ANO2: variants seen among roughly 807,000 people sequenced by gnomAD.
ANO2 encodes the protein anoctamin-2.
A neutral mutation model predicts 124.2 loss-of-function variants in ANO2; 101 were observed. The ratio of observed to expected loss-of-function variants is 0.81; its 90% CI spans 0.69 to 0.96. The LOEUF is 0.96. Ranked by LOEUF, ANO2 falls within the 40% of genes least tolerant of loss-of-function variation. The pLI is 0.00. For synonymous variants in ANO2, 486 were observed against 482.5 expected, an observed-to-expected ratio of 1.01 and a Z score of -0.09; for missense variants, 1,293 against 1,274.5, an observed-to-expected ratio of 1.01 and a Z score of -0.22.
intron 3 of ANO2, among the ~76,000 whole-genome samples, chr12:5,861,644 G>A (rs1303884900): frequency 1.3e-5 from 2 of 152,160 alleles, no homozygotes; most frequent in Non-Finnish European, 2.9e-5. Flanking sequence ...CCTGCTGTGA[G>A]GCAAGAACGT....
intron 10 of ANO2, among the ~76,000 whole-genome samples, chr12:5,759,250 C>T (rs1027247920): frequency 1.1e-4 from 17 of 151,354 alleles, no homozygotes; most frequent in Non-Finnish European, 1.8e-4. Flanking sequence ...TACTTAGATA[C>T]GTCATAGTCA....
At chr12:5,626,787 T>C (rs1945430913) in intron 16 of ANO2, among the ~76,000 whole-genome samples, 1 of 152,156 alleles carries the variant, frequency 6.6e-6, no homozygotes, top group South Asian at 2.1e-4. Flanking sequence ...ATGAATTTTC[T>C]CCAGAGATGT....
In ANO2 at chr12:5,609,244, A is replaced by G. The variant is rs368170713; in HGVS notation, c.2087+3412T>C. The stretch of plus-strand genomic sequence containing the variant: ...GCAGGGAACGGGGGGCACAGCTTCA[A>G]AGGCTGAATTTCTCAAGGTTGCTGA... On this transcript the variant is annotated intron_variant, in intron 19 of 24. Transcript: ENST00000682330. 38 of 152,300 alleles carry G rather than the reference A, an allele frequency of 2.5e-4. 1 individual carries two copies. The East Asian group carries it at 5.0e-3, about 20-fold the overall frequency. 9.4% of individuals were successfully genotyped at this position (152,300 alleles called of 1,614,324 possible).
intron 4 of ANO2, among the ~76,000 whole-genome samples, chr12:5,853,040 C>G (rs1255873481): frequency 6.6e-6 from 1 of 152,080 alleles, no homozygotes; most frequent in African/African-American, 2.4e-5. Context: ...ATAGCCACCC[C>G]TTTCCCCTAA....
chr12:5,779,961 T>C (rs1952337673), intron 10 of ANO2, among the ~76,000 whole-genome samples: 1 of 152,056 alleles, frequency 6.6e-6, no homozygotes, highest in South Asian at 2.1e-4. Context: ...AAAAAGTAAA[T>C]GCTAAAACAG....
chr12:5,877,185 C>T (rs1050908278), intron 3 of ANO2, among the ~76,000 whole-genome samples: 1 of 152,032 alleles, frequency 6.6e-6, no homozygotes. Context: ...GGCCCTAAAC[C>T]TAATGACTGA....
At chr12:5,608,425 G>C (rs1206234209) in intron 19 of ANO2, among the ~76,000 whole-genome samples, 1 of 151,638 alleles carries the variant, frequency 6.6e-6, no homozygotes, top group African/African-American at 2.4e-5. Flanking sequence ...TAATTATGTT[G>C]TACACATCCT....
At chr12:5,801,444 C>T (rs543492146) in intron 9 of ANO2, among the ~76,000 whole-genome samples, 2 of 152,364 alleles carry the variant, frequency 1.3e-5, no homozygotes, top group East Asian at 3.9e-4. Context: ...ACATCACACA[C>T]ATTTCACGAG....
Position 5,692,119 on chromosome 12 carries a change from T to C in ANO2, c.1545+40401A>G, listed in dbSNP as rs141671343. On this transcript the variant is annotated intron_variant, in intron 14 of 24. Coordinates refer to ENST00000682330, the MANE Select transcript of ANO2 (RefSeq NM_001364791.2). ...GACTCTAAGGGAATGAGGCTCCAGA[T>C]ACAGCAGGCAGGCGGATGATGCAAT... 6.7e-3 allele frequency among the ~76,000 whole-genome samples: 1,027 copies of C among 152,260 alleles called. 10 individuals carry two copies. The highest frequency in any genetic ancestry group is 0.024 in the African/African-American group (999 of 41,530).
At chr12:5,857,943 G>A (rs1312375237) in intron 3 of ANO2, among the ~76,000 whole-genome samples, 1 of 152,266 alleles carries the variant, frequency 6.6e-6, no homozygotes, top group Non-Finnish European at 1.5e-5. Flanking sequence ...AATACCACAT[G>A]TTCTCCCTCA....
chr12:5,865,356 CACCATCATGCATTCAA>C (rs1955389098), intron 3 of ANO2, among the ~76,000 whole-genome samples: 1 of 150,956 alleles, frequency 6.6e-6, no homozygotes, highest in African/African-American at 2.5e-5. Context: ...CATGCCATGA[CACCATCATGCATTCAA>C]ACCATCATGC....
chr12:5,945,474 C>A (rs924779771), upstream of ANO2, among the ~76,000 whole-genome samples: 5 of 152,226 alleles, frequency 3.3e-5, no homozygotes, highest in Admixed American at 2.0e-4. Flanking sequence ...CGGGTTGAGT[C>A]CAGGACACAC....
intron 3 of ANO2, chr12:5,856,757 G>C (rs1451409220): frequency 6.6e-6 from 1 of 152,196 alleles, no homozygotes; most frequent in Non-Finnish European, 1.5e-5. Context: ...GATGCCTTTA[G>C]ATTTTTACGT....
intron 14 of ANO2, among the ~76,000 whole-genome samples, chr12:5,649,523 C>T (rs150309053): frequency 5.0e-4 from 76 of 152,240 alleles, no homozygotes; most frequent in Non-Finnish European, 1.0e-3. Context: ...TAAGGCCAAA[C>T]ATCAAGAGGG....
At chr12:5,831,643 T>C (rs1954157405) in intron 5 of ANO2, among the ~76,000 whole-genome samples, 1 of 152,150 alleles carries the variant, frequency 6.6e-6, no homozygotes. Context: ...TGAAACAGCA[T>C]ATTCATGTGT....
chr12:5,691,901 T>TA (rs566579054), intron 14 of ANO2, among the ~76,000 whole-genome samples: 115 of 144,394 alleles, frequency 8.0e-4, no homozygotes, highest in East Asian at 6.8e-3. Flanking sequence ...GAGACTATCT[T>TA]AAAAAAAAAA....
chr12:5,701,433 G>C (rs910798692), intron 14 of ANO2, among the ~76,000 whole-genome samples: 4 of 151,798 alleles, frequency 2.6e-5, no homozygotes, highest in Non-Finnish European at 4.4e-5. Context: ...TTTTCCCTTA[G>C]TCCTGGACCT....
intron 19 of ANO2, among the ~76,000 whole-genome samples, chr12:5,604,304 T>C (rs555013836): frequency 1.2e-3 from 186 of 150,578 alleles, no homozygotes; most frequent in Admixed American, 2.3e-3. Flanking sequence ...GGAGGAGGAG[T>C]TGTTCTTGCC....
At chr12:5,577,934 G>A in intron 22 of ANO2, 21 bp downstream of exon 22, 2 of 1,611,196 alleles carry the variant, frequency 1.2e-6, no homozygotes, top group Non-Finnish European at 1.7e-6. Flanking sequence ...GAGCGAGTGT[G>A]TCATGAATGC....
Sources: allele counts gnomAD v4.1 joint callset (sites outside exome capture counted in the v4.1 genomes callset), GRCh38; gene constraint gnomAD v4.1.1; transcripts MANE v1.5; gene names NCBI Gene and HGNC (gene_info 2026-07-23, HGNC 2026-07-21).